Variants in ITGBL1 observed in about 807,000 individuals in gnomAD.
The protein encoded by ITGBL1 is integrin subunit beta like 1, also known as integrin beta-like protein 1.
A neutral mutation model predicts 68.5 loss-of-function variants in ITGBL1; 51 were observed. The ratio of observed to expected loss-of-function variants is 0.74; its 90% confidence interval spans 0.59 to 0.94. The LOEUF is 0.94. Among genes scored for constraint, ITGBL1 ranks in the 40% least tolerant of loss-of-function variants. ITGBL1 has a pLI of 0.00. For missense variants in ITGBL1, 649 were observed against 647.4 expected, an observed-to-expected ratio of 1.00 and a Z score of -0.03; for synonymous variants, 209 against 227.3, an observed-to-expected ratio of 0.92 and a Z score of 0.72.
chr13:101,605,350 A>G (rs1180566276), intron 7 of ITGBL1, among the ~76,000 whole-genome samples: 2 of 149,744 alleles, frequency 1.3e-5, no homozygotes, highest in African/African-American at 2.5e-5. Flanking sequence ...ACATATCTAG[A>G]CATGTATGTG....
Position 101,715,549 on chromosome 13 carries a change from G to A in ITGBL1, c.1394-14G>A. On this transcript the variant is annotated splice_polypyrimidine_tract_variant and intron_variant, in intron 10 of 10. Transcript: ENST00000376180. ...TTGATCATAATCATGATACCTATAT[G>A]TATTTTATTGCAGGGAATGGAATAT... 3 of 1,571,834 alleles carry A rather than the reference G, an allele frequency of 1.9e-6. No individual in the cohort carries two copies. Among genetic ancestry groups the A allele is most frequent in the Admixed American group, 3.3e-5 (2 of 59,966 alleles).
intron 2 of ITGBL1, among the ~76,000 whole-genome samples, chr13:101,539,209 C>A (rs543543477): frequency 2.9e-5 from 4 of 139,224 alleles, no homozygotes; most frequent in South Asian, 5.3e-4. Flanking sequence ...CCCCTCCCCC[C>A]ACTCCACAAC....
At chr13:101,552,109 C>A (rs1251428756) in intron 2 of ITGBL1, among the ~76,000 whole-genome samples, 2 of 152,182 alleles carry the variant, frequency 1.3e-5, no homozygotes, top group Non-Finnish European at 2.9e-5. Context: ...GCCACTCTAG[C>A]AACCTTTCCT....
At chr13:101,650,340 C>T (rs2032704056) in intron 7 of ITGBL1, among the ~76,000 whole-genome samples, 2 of 151,914 alleles carry the variant, frequency 1.3e-5, no homozygotes, top group African/African-American at 4.8e-5. Context: ...AGATGATATA[C>T]ATTTTTTTTT....
chr13:101,638,640 C>T (rs2032256500), intron 7 of ITGBL1, among the ~76,000 whole-genome samples: 2 of 151,992 alleles, frequency 1.3e-5, no homozygotes, highest in South Asian at 4.2e-4. Context: ...AAGGGATTTC[C>T]CTTTATAAAA....
At chr13:101,624,641 C>T (rs1224547913) in intron 7 of ITGBL1, among the ~76,000 whole-genome samples, 1 of 152,284 alleles carries the variant, frequency 6.6e-6, no homozygotes, top group East Asian at 1.9e-4. Flanking sequence ...TGCATTTTAT[C>T]CCTGTCACCA....
chr13:101,707,205 C>A (rs2139588324), intron 9 of ITGBL1, among the ~76,000 whole-genome samples: 1 of 151,950 alleles, frequency 6.6e-6, no homozygotes, highest in East Asian at 1.9e-4. Context: ...CTAAATGGAC[C>A]CAAAAATGGG....
intron 8 of ITGBL1, 135 bp downstream of exon 8, chr13:101,692,836 A>G: frequency 7.3e-6 from 5 of 685,552 alleles, no homozygotes; most frequent in Non-Finnish European, 1.3e-5. Flanking sequence ...ATTGAACCTA[A>G]AAGCAATATA....
At chr13:101,476,081 A>G (rs1251684188) in intron 2 of ITGBL1, among the ~76,000 whole-genome samples, 1 of 152,200 alleles carries the variant, frequency 6.6e-6, no homozygotes, top group Non-Finnish European at 1.5e-5. Context: ...TGTGTAAAAT[A>G]TTTATATTTT....
At chr13:101,623,240 G>C (rs1365805088) in intron 7 of ITGBL1, among the ~76,000 whole-genome samples, 1 of 151,854 alleles carries the variant, frequency 6.6e-6, no homozygotes. Context: ...AATTTAGCTT[G>C]ATCCCATGAC....
At chr13:101,571,429 C>T (rs1337459784) in intron 3 of ITGBL1, among the ~76,000 whole-genome samples, 1 of 152,072 alleles carries the variant, frequency 6.6e-6, no homozygotes, top group Admixed American at 6.5e-5. Flanking sequence ...TTATGGTACT[C>T]ATTTGAAATA....
Position 101,714,535 on chromosome 13 carries a change from TG to T in ITGBL1, c.1379del (p.Gly460ValfsTer65). ...CDDRDCDKHD[G>X]LICTGNGICS... ...ATGACAGAGACTGCGACAAACATGA[TG>T]GTCTCATTTGTACAGGTGCAGTATT... On this transcript the variant is annotated frameshift_variant, in exon 10 of 11. Transcript: ENST00000376180. LOFTEE classifies it high-confidence loss of function. 6.3e-7 allele frequency: 1 copy of T among 1,597,962 alleles called. No homozygotes were observed. The highest frequency in any genetic ancestry group is 8.6e-7 in the Non-Finnish European group (1 of 1,165,334).
At chr13:101,560,221 C>T (rs1054679958) in intron 2 of ITGBL1, among the ~76,000 whole-genome samples, 7 of 152,154 alleles carry the variant, frequency 4.6e-5, no homozygotes, top group Non-Finnish European at 7.4e-5. Flanking sequence ...TCTATGGTGG[C>T]TCAAAAATGA....
intron 7 of ITGBL1, among the ~76,000 whole-genome samples, chr13:101,670,429 C>G (rs1226405852): frequency 2.0e-5 from 3 of 152,138 alleles, no homozygotes; most frequent in Non-Finnish European, 4.4e-5. Context: ...TGTGTTTTAT[C>G]AAGATAATTC....
Position 101,643,170 on chromosome 13 carries a change from A to G in ITGBL1, c.1015+44871A>G, listed in dbSNP as rs914925064. Reference sequence around the variant, plus strand: ...TACCTTGGGCAGTATGGCCATTTTCATGATATTGATTCTTCCTACCCATGA... The same window carrying G: ...TACCTTGGGCAGTATGGCCATTTTCGTGATATTGATTCTTCCTACCCATGA... On this transcript the variant is annotated intron_variant, in intron 7 of 10. Coordinates refer to ENST00000376180, the MANE Select transcript of ITGBL1 (RefSeq NM_004791.3). 3.6e-4 allele frequency among the ~76,000 whole-genome samples: 55 copies of G among 151,576 alleles called. 1 individual carries two copies. Among genetic ancestry groups the G allele is most frequent in the Admixed American group, 3.3e-4 (5 of 15,206 alleles).
At chr13:101,602,965 C>T (rs1235239226) in intron 7 of ITGBL1, among the ~76,000 whole-genome samples, 2 of 151,918 alleles carry the variant, frequency 1.3e-5, no homozygotes, top group Non-Finnish European at 2.9e-5. Context: ...GTTATTTAAC[C>T]CTTCATCAGT....
At chr13:101,478,793 T>C (rs1036030994) in intron 2 of ITGBL1, among the ~76,000 whole-genome samples, 3 of 152,090 alleles carry the variant, frequency 2.0e-5, no homozygotes, top group Admixed American at 1.3e-4. Context: ...CTATAAACAT[T>C]GATGCAAAAA....
intron 7 of ITGBL1, among the ~76,000 whole-genome samples, chr13:101,682,731 T>C (rs2033673007): frequency 6.6e-6 from 1 of 152,226 alleles, no homozygotes; most frequent in African/African-American, 2.4e-5. Context: ...ATATTGTTTG[T>C]ACAAATATTT....
intron 7 of ITGBL1, among the ~76,000 whole-genome samples, chr13:101,681,383 C>G (rs2033636598): frequency 6.6e-6 from 1 of 152,128 alleles, no homozygotes; most frequent in African/African-American, 2.4e-5. Context: ...GGCATCTACC[C>G]TGTGGCTTCT....
Sources: allele counts gnomAD v4.1 joint callset (sites outside exome capture counted in the v4.1 genomes callset), GRCh38; gene constraint gnomAD v4.1.1; transcripts MANE v1.5; gene names NCBI Gene and HGNC (gene_info 2026-07-23, HGNC 2026-07-21).